The following GRK4 variants were observed in gnomAD, a reference collection of about 807,000 sequenced individuals.
The protein encoded by GRK4 is G protein-coupled receptor kinase 4, also known as G protein-coupled receptor kinase 2-like.
A neutral mutation model predicts 77.9 loss-of-function variants in GRK4; 73 were observed. That is an observed-to-expected ratio of 0.94 (90% confidence interval 0.78 to 1.14). The LOEUF is 1.14. Ranked by LOEUF, GRK4 falls within the 50% of genes most tolerant of loss-of-function variation. GRK4 has a pLI of 0.00. For synonymous variants in GRK4, 257 were observed against 254.4 expected (o/e 1.01, Z -0.10); for missense variants, 729 against 700.2 (o/e 1.04, Z -0.46).
intron 13 of GRK4, 108 bp downstream of exon 13, chr4:3,035,631 C>A (rs1436359942): frequency 3.8e-6 from 5 of 1,304,422 alleles, no homozygotes; most frequent in South Asian, 1.5e-5. Context: ...ACTGTGTTGC[C>A]CAGGCTGGTC....
intron 2 of GRK4, among the ~76,000 whole-genome samples, chr4:2,985,297 A>G (rs1723968495): frequency 6.6e-6 from 1 of 151,578 alleles, no homozygotes; most frequent in African/African-American, 2.4e-5. Flanking sequence ...GCTGCTTGGG[A>G]GGCTGAGGCA....
At chr4:3,030,583 C>T (rs1238519726) in intron 12 of GRK4, among the ~76,000 whole-genome samples, 1 of 152,040 alleles carries the variant, frequency 6.6e-6, no homozygotes, top group South Asian at 2.1e-4. Flanking sequence ...GACGTGTGGG[C>T]TGTGGGGAGG....
chr4:3,013,744 A>T lies in GRK4; in HGVS notation c.657A>T (p.Gln219His). Residue 219 changes from glutamine to histidine, a missense_variant, in exon 8 of 16, where the codon CAA (glutamine) becomes CAT (histidine). Transcript: ENST00000398052. ...TGKMYACKKL[Q>H]KKRIKKRKGE... ...AAATGTATGCCTGCAAAAAGCTACA[A>T]AAAAAAAGAATAAAGAAGAGGAAAG... 1 of 1,613,640 alleles carries T rather than the reference A, an allele frequency of 6.2e-7. No homozygotes were observed. The highest frequency in any genetic ancestry group is 8.5e-7 in the Non-Finnish European group (1 of 1,179,828).
chr4:3,022,300 A>G (rs991265845), intron 9 of GRK4, 114 bp from the exon 10 acceptor site: 3 of 867,602 alleles, frequency 3.5e-6, no homozygotes, highest in Non-Finnish European at 5.6e-6. Flanking sequence ...CATGAAGGGC[A>G]GTTTCGTGTT....
At chr4:3,035,607 A>G (rs919878332) in intron 13 of GRK4, 84 bp downstream of exon 13, 1 of 1,440,500 alleles carries the variant, frequency 6.9e-7, no homozygotes, top group Non-Finnish European at 9.4e-7. Flanking sequence ...TCAAAAATAG[A>G]GATGGGGGGT....
chr4:2,992,242 G>A lies in GRK4; in HGVS notation c.289G>A (p.Asp97Asn). The change falls in exon 4 of 16, where the codon GAC (aspartate) becomes AAC (asparagine). Residue 97 changes from aspartate to asparagine, a missense_variant. Physicochemically the swap from Asp to Asn is conservative, Grantham distance 23 (BLOSUM62 1). Transcript: ENST00000398052. ...AGAATATGAAGTTGCCGATGATGAGGACCGAAGTGATTGTGGACTGTCAAT... is the reference window on the plus strand; with the variant it reads ...AGAATATGAAGTTGCCGATGATGAGAACCGAAGTGATTGTGGACTGTCAAT... The part of the protein sequence containing the change: ...VAEYEVADDE[D>N]RSDCGLSILD... 6.2e-7 allele frequency: 1 copy of A among 1,610,818 alleles called. No individual in the cohort carries two copies. Among genetic ancestry groups the A allele is most frequent in the South Asian group, 1.1e-5 (1 of 91,038 alleles).
At chr4:3,005,756 CCTGTACTCCA>C (rs1560436321) in intron 5 of GRK4, among the ~76,000 whole-genome samples, 3 of 151,812 alleles carry the variant, frequency 2.0e-5, no homozygotes, top group Non-Finnish European at 2.9e-5. Context: ...ATGAGCCTCC[CCTGTACTCCA>C]CTGTACTCCA....
At chr4:2,979,164 G>T (rs1413265352) in intron 1 of GRK4, among the ~76,000 whole-genome samples, 4 of 151,852 alleles carry the variant, frequency 2.6e-5, no homozygotes, top group Admixed American at 6.6e-5. Flanking sequence ...GGTGGAGCTT[G>T]CAGTGAGCCG....
chr4:3,023,934 A>G (rs1736745141), intron 10 of GRK4, among the ~76,000 whole-genome samples: 1 of 152,196 alleles, frequency 6.6e-6, no homozygotes, highest in African/African-American at 2.4e-5. Context: ...ATAAAGGGAC[A>G]ATCATGAGAA....
intron 3 of GRK4, among the ~76,000 whole-genome samples, chr4:2,991,838 T>C (rs1726273131): frequency 6.6e-6 from 1 of 152,170 alleles, no homozygotes; most frequent in Admixed American, 6.6e-5. Flanking sequence ...GGATACAATG[T>C]AATATGGCAT....
chr4:2,991,077 G>A (rs1305305864), intron 3 of GRK4, among the ~76,000 whole-genome samples: 1 of 152,198 alleles, frequency 6.6e-6, no homozygotes, highest in African/African-American at 2.4e-5. Context: ...GAACCCATAG[G>A]AGGAGATATT....
chr4:3,039,589 C>A (rs1173288498), intron 15 of GRK4, among the ~76,000 whole-genome samples: 1 of 148,660 alleles, frequency 6.7e-6, no homozygotes, highest in South Asian at 2.2e-4. Flanking sequence ...TCCCAGCTAC[C>A]TGGGAGTCTG....
At chr4:3,016,531 CCAAA>C (rs1377411681) in intron 8 of GRK4, among the ~76,000 whole-genome samples, 230 of 125,676 alleles carry the variant, frequency 1.8e-3, no homozygotes, top group African/African-American at 4.8e-3. Context: ...GACTCAATCT[CCAAA>C]AAAAAAAAAA....
At position 3,013,558 on chromosome 4, in the gene GRK4, C is replaced by T. The variant is rs1343299551; in HGVS notation, c.601-130C>T. The T allele has an allele frequency of 8.5e-6, 9 of 1,053,974 alleles. No individual in the cohort carries two copies. The South Asian group carries it at 1.0e-4, about 12-fold the overall frequency. 65.3% of individuals were successfully genotyped at this position (1,053,974 alleles called of 1,614,324 possible). A position where few individuals can be genotyped will look rare whatever the true frequency, so the allele number is the denominator to read the frequency against. On this transcript the variant is annotated intron_variant, in intron 7 of 15. Transcript: ENST00000398052. ...ACACTGACGAAGCTCACCTTTGAAA[C>T]GGTCTCGGCTCCTCATGCACTGCTG...
chr4:3,031,796 G>A (rs1351682924), intron 12 of GRK4, among the ~76,000 whole-genome samples: 1 of 152,116 alleles, frequency 6.6e-6, no homozygotes, highest in Non-Finnish European at 1.5e-5. Context: ...GGTCACTGGG[G>A]GGATGGAGGA....
At chr4:3,016,564 G>A (rs1734580969) in intron 8 of GRK4, among the ~76,000 whole-genome samples, 1 of 140,810 alleles carries the variant, frequency 7.1e-6, no homozygotes, top group Non-Finnish European at 1.5e-5. Flanking sequence ...AGCCAGGCAT[G>A]GTGGTGTGTG....
At chr4:3,038,875 A>C in intron 15 of GRK4, 1 of 188,466 alleles carries the variant, frequency 5.3e-6, no homozygotes, top group East Asian at 1.3e-4. Flanking sequence ...TGGCTCTTAG[A>C]CTCACCTCCT....
chr4:3,021,209 G>T (rs190984770), intron 9 of GRK4, among the ~76,000 whole-genome samples: 1 of 152,238 alleles, frequency 6.6e-6, no homozygotes, highest in East Asian at 1.9e-4. Flanking sequence ...AGCTGCTCAG[G>T]TGTCCTCACT....
At chr4:3,028,187 T>C (rs1368739208) in intron 11 of GRK4, among the ~76,000 whole-genome samples, 186 bp downstream of exon 11, 1 of 152,122 alleles carries the variant, frequency 6.6e-6, no homozygotes, top group African/African-American at 2.4e-5. Context: ...TAGGCTGCCC[T>C]CAGCTTCTTA....
Sources: allele counts gnomAD v4.1 joint callset (sites outside exome capture counted in the v4.1 genomes callset), GRCh38; gene constraint gnomAD v4.1.1; transcripts MANE v1.5; gene names NCBI Gene and HGNC (gene_info 2026-07-23, HGNC 2026-07-21).